Variants in MPP7 observed in about 807,000 individuals in gnomAD.
MPP7 encodes MAGUK p55 subfamily member 7.
MPP7 carries 60 observed loss-of-function variants against 76.5 expected under a neutral mutation model. The observed-to-expected ratio is 0.78, with a 90% CI of 0.64 to 0.97. MPP7 has a LOEUF of 0.97. Among genes scored for constraint, MPP7 ranks in the 50% least tolerant of loss-of-function variants. The probability of loss-of-function intolerance (pLI) is 0.00; values close to 1 mark genes in which losing one functional copy is unlikely to be tolerated. For missense variants in MPP7, 641 were observed against 694.0 expected (o/e 0.92, Z 0.86); for synonymous variants, 237 against 244.5 (o/e 0.97, Z 0.29).
At chr10:28,202,556 G>C (rs899716370) in intron 2 of MPP7, among the ~76,000 whole-genome samples, 2 of 152,082 alleles carry the variant, frequency 1.3e-5, no homozygotes, top group African/African-American at 4.8e-5. Flanking sequence ...CAGGTTTTCA[G>C]AAAAAGAAGA....
chr10:28,327,820 A>G (rs1834432731), intron 2 of MPP7, among the ~76,000 whole-genome samples: 1 of 152,024 alleles, frequency 6.6e-6, no homozygotes, highest in South Asian at 2.1e-4. Context: ...TGATTGTGTC[A>G]TTCAGAACAG....
intron 13 of MPP7, 78 bp downstream of exon 13, chr10:28,069,694 A>T (rs9731023): frequency 2.4e-5 from 29 of 1,225,808 alleles, no homozygotes; most frequent in Middle Eastern, 5.6e-4. Context: ...CAAGTTAAAA[A>T]TTTTTTAAAA....
chr10:28,059,715 C>CT lies in MPP7; in HGVS notation c.1232dup (p.Ser412GlufsTer2), dbSNP rs1564610438. 1.9e-6 allele frequency: 3 copies of CT among 1,613,336 alleles called. No individual in the cohort carries two copies. On this transcript the variant is annotated frameshift_variant, in exon 14 of 17. Transcript: ENST00000683449. LOFTEE classifies it high-confidence loss of function. ...TGAAAATGTATTCAACACCATCACT[C>CT]TCCTGGCTTCTTCTTGCTCTGGTGG...
chr10:28,227,760 G>T (rs1411870760), intron 2 of MPP7, among the ~76,000 whole-genome samples: 1 of 152,124 alleles, frequency 6.6e-6, no homozygotes, highest in African/African-American at 2.4e-5. Flanking sequence ...TTGCTACTGT[G>T]AATAATGCTG....
intron 11 of MPP7, chr10:28,118,835 A>C (rs11006881): frequency 0.079 from 77,501 of 985,292 alleles, 4,432 homozygotes; most frequent in East Asian, 0.47. Context: ...GATGTGAAAA[A>C]TGCAACAATA....
chr10:28,109,293 C>A lies in MPP7; in HGVS notation c.952+10358G>T, dbSNP rs902164847. The stretch of plus-strand genomic sequence containing the variant: ...ACAGAGTGAGACTCCATCTCAAAAA[C>A]AACAACAACAACAACAAATAAGCAG... On this transcript the variant is annotated intron_variant, in intron 11 of 16. Transcript: ENST00000683449. Among the ~76,000 whole-genome samples the A allele has an allele frequency of 5.9e-5, 9 of 151,706 alleles. No homozygotes were observed. In the East Asian group the frequency reaches 1.7e-3, roughly 29 times the overall value.
At chr10:28,292,093 T>C (rs567349601) in intron 1 of MPP7, among the ~76,000 whole-genome samples, 3 of 152,338 alleles carry the variant, frequency 2.0e-5, no homozygotes, top group Admixed American at 6.5e-5. Flanking sequence ...GATGTTTAGA[T>C]ATACAAATAC....
At chr10:28,103,842 A>G (rs7085159) in intron 11 of MPP7, among the ~76,000 whole-genome samples, 52,315 of 151,862 alleles carry the variant, frequency 0.34, 12,526 homozygotes, top group East Asian at 0.95. Flanking sequence ...CTCTCTCGAG[A>G]GAAGCCATAG....
intron 10 of MPP7, 28 bp from the exon 11 acceptor site, chr10:28,119,743 T>C (rs1452970750): frequency 2.5e-6 from 4 of 1,592,272 alleles, no homozygotes; most frequent in South Asian, 1.1e-5. Flanking sequence ...AACATACCTA[T>C]CAATTTTCAG....
At chr10:28,209,297 C>T (rs901312124) in intron 2 of MPP7, among the ~76,000 whole-genome samples, 1 of 151,950 alleles carries the variant, frequency 6.6e-6, no homozygotes, top group Admixed American at 6.6e-5. Flanking sequence ...AGAACCATCA[C>T]TACCAAAAAA....
intron 6 of MPP7, among the ~76,000 whole-genome samples, chr10:28,127,400 G>C (rs1016864381): frequency 3.9e-5 from 6 of 152,202 alleles, no homozygotes; most frequent in African/African-American, 1.2e-4. Flanking sequence ...TAGAGAGTTA[G>C]TCTGTTTTCA....
chr10:28,090,445 A>G lies in MPP7; in HGVS notation c.953-604T>C, dbSNP rs182842737. Among the ~76,000 whole-genome samples the G allele has an allele frequency of 9.0e-4, 137 of 152,342 alleles. 1 individual carries two copies. The highest frequency in any genetic ancestry group is 5.3e-4 in the Non-Finnish European group (36 of 68,036). On this transcript the variant is annotated intron_variant, in intron 11 of 16. Coordinates refer to ENST00000683449, the MANE Select transcript of MPP7 (RefSeq NM_001318170.2). The stretch of plus-strand genomic sequence containing the variant: ...GAGTAAAATAACTATAATAAAGCAA[A>G]ATAAGTCAAAAATCATAATTTATCA...
At chr10:28,057,638 T>TTTTAAAA in intron 15 of MPP7, 1 of 261,654 alleles carries the variant, frequency 3.8e-6, no homozygotes, top group Non-Finnish European at 6.1e-6. Context: ...TTTTTTTTAG[T>TTTTAAAA]AAATTACCCA....
chr10:28,313,374 C>T (rs1841300304), intron 2 of MPP7, among the ~76,000 whole-genome samples: 1 of 152,060 alleles, frequency 6.6e-6, no homozygotes, highest in African/African-American at 2.4e-5. Context: ...GGCGTGGTGA[C>T]ACACACCTGT....
chr10:28,176,019 A>G (rs945620716), intron 3 of MPP7, among the ~76,000 whole-genome samples: 3 of 152,224 alleles, frequency 2.0e-5, no homozygotes, highest in Non-Finnish European at 2.9e-5. Context: ...TGTAAAGTAA[A>G]TAAGTTCATT....
chr10:28,069,623 A>C (rs548901131), intron 13 of MPP7, 149 bp downstream of exon 13: 48 of 482,588 alleles, frequency 9.9e-5, no homozygotes, highest in African/African-American at 6.6e-4. Flanking sequence ...AACAAACAAA[A>C]AAAAAACTCA....
chr10:28,308,375 C>T (rs548035384), intron 2 of MPP7, among the ~76,000 whole-genome samples: 1 of 152,298 alleles, frequency 6.6e-6, no homozygotes, highest in East Asian at 1.9e-4. Flanking sequence ...ATCAAGTTGC[C>T]TTCATGGTCT....
chr10:28,083,638 A>G (rs1852869863), intron 12 of MPP7, among the ~76,000 whole-genome samples: 1 of 148,876 alleles, frequency 6.7e-6, no homozygotes. Flanking sequence ...CCTGGGTTCA[A>G]GTGAGTCTCC....
chr10:28,064,541 G>A (rs576796203), intron 13 of MPP7, among the ~76,000 whole-genome samples: 5 of 152,284 alleles, frequency 3.3e-5, no homozygotes, highest in East Asian at 3.9e-4. Flanking sequence ...ACATGTGTAC[G>A]CAGATGCTAA....
Sources: allele counts gnomAD v4.1 joint callset (sites outside exome capture counted in the v4.1 genomes callset), GRCh38; gene constraint gnomAD v4.1.1; transcripts MANE v1.5; gene names NCBI Gene and HGNC (gene_info 2026-07-23, HGNC 2026-07-21).